Variants in PLA2G4E observed in about 807,000 individuals in gnomAD.
The protein encoded by PLA2G4E is cytosolic phospholipase A2 epsilon.
PLA2G4E carries 84 observed loss-of-function variants against 109.1 expected under a neutral mutation model. The ratio of observed to expected loss-of-function variants is 0.77; its 90% CI spans 0.65 to 0.92. The LOEUF (loss-of-function observed/expected upper bound fraction) is 0.92. Ranked by LOEUF, PLA2G4E falls within the 40% of genes least tolerant of loss-of-function variation. The pLI is 0.00. For synonymous variants in PLA2G4E, 469 were observed against 436.1 expected, an observed-to-expected ratio of 1.08 and a Z score of -0.94; for missense variants, 1,057 against 1,076.6, an observed-to-expected ratio of 0.98 and a Z score of 0.25.
chr15:41,990,744 CTTTT>C (rs1228531708), intron 13 of PLA2G4E, among the ~76,000 whole-genome samples: 2 of 42,818 alleles, frequency 4.7e-5, no homozygotes, highest in Non-Finnish European at 1.4e-4. Context: ...CTCTTCCCTT[CTTTT>C]TTTTTTTTTT....
intron 18 of PLA2G4E, 114 bp downstream of exon 18, chr15:41,985,724 TG>T: frequency 7.6e-7 from 1 of 1,310,404 alleles, no homozygotes; most frequent in Non-Finnish European, 1.1e-6. Flanking sequence ...TGATGCTCTC[TG>T]GGGGCTGTCT....
At chr15:41,990,294 G>A (rs1459752415) in intron 13 of PLA2G4E, 59 bp from the exon 14 acceptor site, 1 of 1,472,408 alleles carries the variant, frequency 6.8e-7, no homozygotes, top group Non-Finnish European at 9.4e-7. Flanking sequence ...GGGAGGCAGT[G>A]CAGAATGAGA....
At chr15:41,996,506 C>T (rs776083750) in intron 11 of PLA2G4E, among the ~76,000 whole-genome samples, 4 of 152,204 alleles carry the variant, frequency 2.6e-5, no homozygotes, top group Admixed American at 2.6e-4. Context: ...AGGTCTCTGT[C>T]CTCACCTAGG....
intron 1 of PLA2G4E, among the ~76,000 whole-genome samples, chr15:42,049,336 C>T (rs762096934): frequency 1.3e-5 from 2 of 152,202 alleles, no homozygotes; most frequent in African/African-American, 2.4e-5. Flanking sequence ...CTCTCAGTTA[C>T]TCACTCCCAT....
chr15:42,026,440 G>A, intron 1 of PLA2G4E, among the ~76,000 whole-genome samples: 1 of 152,124 alleles, frequency 6.6e-6, no homozygotes, highest in South Asian at 2.1e-4. Flanking sequence ...ACAGGGAAAA[G>A]CCAGGAAATG....
rs537789153 is a variant in PLA2G4E, at chr15:42,028,456, G to A, written c.184-14699C>T. Among the ~76,000 whole-genome samples the A allele has an allele frequency of 6.6e-5, 10 of 151,238 alleles. No homozygotes were observed. In the East Asian group the frequency reaches 1.8e-3, roughly 27 times the overall value. On this transcript the variant is annotated intron_variant, in intron 1 of 19. Transcript: ENST00000399518. ...GAGTCTCACTCTGTTGCCCAGGCTG[G>A]AGTGCAGTGGTGTAATCTCGGCTCA...
chr15:42,011,997 G>C (rs965247286), intron 2 of PLA2G4E, among the ~76,000 whole-genome samples: 1 of 152,186 alleles, frequency 6.6e-6, no homozygotes, highest in Non-Finnish European at 1.5e-5. Context: ...AAAAGTCCCT[G>C]GCCCTTTGGT....
rs1353753614 is a variant in PLA2G4E, at chr15:41,985,816, C to A, written c.2202+23G>T. ...CTTAGGAGAGGCTGCAGCCCATGCT[C>A]AGGAGGGAGGCTGCGCACTTGCCTT... On this transcript the variant is annotated intron_variant, in intron 18 of 19. Coordinates refer to ENST00000399518, the Ensembl canonical transcript of PLA2G4E. The A allele has an allele frequency of 3.1e-6, 5 of 1,599,920 alleles. No homozygotes were observed. In the South Asian group the frequency reaches 5.7e-5, roughly 18 times the overall value.
intron 10 of PLA2G4E, chr15:41,997,837 A>T (rs2068366342): frequency 6.6e-6 from 1 of 151,698 alleles, no homozygotes; most frequent in Admixed American, 6.6e-5. Context: ...TCATTGTGTC[A>T]CCTCATAGTC....
At chr15:41,995,292 T>A (rs1035614879) in intron 12 of PLA2G4E, 68 bp downstream of exon 12, 7 of 1,570,154 alleles carry the variant, frequency 4.5e-6, no homozygotes, top group Admixed American at 1.8e-5. Context: ...GAGCTTCACC[T>A]GAGACCCCAG....
At chr15:41,991,122 G>T (rs774623241) in intron 13 of PLA2G4E, among the ~76,000 whole-genome samples, 22 of 152,134 alleles carry the variant, frequency 1.4e-4, no homozygotes, top group Admixed American at 5.2e-4. Flanking sequence ...AAAGCTGCAG[G>T]CTCAGGGAAG....
chr15:42,009,231 A>C (rs923336044), intron 2 of PLA2G4E: 2 of 152,240 alleles, frequency 1.3e-5, no homozygotes, highest in Non-Finnish European at 2.9e-5. Flanking sequence ...CTTCCCTTCT[A>C]TGCTCAACCT....
At chr15:42,025,858 T>C (rs2068689428) in intron 1 of PLA2G4E, among the ~76,000 whole-genome samples, 1 of 152,190 alleles carries the variant, frequency 6.6e-6, no homozygotes. Flanking sequence ...AAAATGAAAT[T>C]AACTTCACAA....
rs1328243759 is a variant in PLA2G4E, at chr15:41,983,975, C to A, written c.2387-1G>T. The A allele has an allele frequency of 6.2e-7, 1 of 1,601,922 alleles. No individual in the cohort carries two copies. The highest frequency in any genetic ancestry group is 1.3e-5 in the African/African-American group (1 of 74,662). ...AGCTCCTCAGGGCTTCGCTCTACAC[C>A]TGTGGGCAGCAGGATGACTTGTTAT... On this transcript the variant is annotated splice_acceptor_variant, in intron 19 of 19. Transcript: ENST00000399518. LOFTEE classifies it high-confidence loss of function.
At chr15:42,001,165 C>T (rs375831500) in exon 7 of PLA2G4E, 17 of 1,613,426 alleles carry the variant, frequency 1.1e-5, no homozygotes, top group Admixed American at 1.0e-4. Flanking sequence ...ACTTTTCTCC[C>T]TCTTCCTCCG....
intron 2 of PLA2G4E, among the ~76,000 whole-genome samples, chr15:42,011,929 T>C (rs1160329400): frequency 6.6e-6 from 1 of 151,954 alleles, no homozygotes; most frequent in African/African-American, 2.4e-5. Context: ...CAGAGGACAC[T>C]CCCTGGATCC....
chr15:42,047,291 T>C (rs1224656377), intron 1 of PLA2G4E, among the ~76,000 whole-genome samples: 2 of 152,146 alleles, frequency 1.3e-5, no homozygotes, highest in Admixed American at 6.5e-5. Flanking sequence ...GATTATTTCT[T>C]ATAGCTCCAG....
At chr15:42,040,889 T>C (rs1371735023) in intron 1 of PLA2G4E, among the ~76,000 whole-genome samples, 1 of 152,194 alleles carries the variant, frequency 6.6e-6, no homozygotes, top group African/African-American at 2.4e-5. Flanking sequence ...ATTCTAAAGT[T>C]CAAGAAAGGT....
intron 1 of PLA2G4E, among the ~76,000 whole-genome samples, chr15:42,014,354 A>G (rs922917177): frequency 6.6e-6 from 1 of 152,182 alleles, no homozygotes; most frequent in African/African-American, 2.4e-5. Context: ...CATGTTCATT[A>G]AGTGAGTGAA....
Sources: allele counts gnomAD v4.1 joint callset (sites outside exome capture counted in the v4.1 genomes callset), GRCh38; gene constraint gnomAD v4.1.1; transcripts MANE v1.5; gene names NCBI Gene and HGNC (gene_info 2026-07-23, HGNC 2026-07-21).